ZNF385B: variants seen among roughly 807,000 people sequenced by gnomAD.
ZNF385B encodes the protein zinc finger protein 533.
ZNF385B carries 23 observed loss-of-function variants against 39.2 expected under a neutral mutation model. The ratio of observed to expected loss-of-function variants is 0.59; its 90% confidence interval spans 0.42 to 0.83. The LOEUF is 0.83. Among genes scored for constraint, ZNF385B ranks in the 40% least tolerant of loss-of-function variants. The probability of loss-of-function intolerance (pLI) is 0.00; values close to 1 mark genes in which losing one functional copy is unlikely to be tolerated. For synonymous variants in ZNF385B, 205 were observed against 222.6 expected, an observed-to-expected ratio of 0.92 and a Z score of 0.70; for missense variants, 552 against 598.9, an observed-to-expected ratio of 0.92 and a Z score of 0.82.
chr2:179,568,881 T>C (rs562485810), intron 3 of ZNF385B, among the ~76,000 whole-genome samples: 78 of 152,328 alleles, frequency 5.1e-4, no homozygotes, highest in African/African-American at 1.9e-3. Flanking sequence ...GAATAAACTC[T>C]ATTTAAACAC....
At chr2:179,697,219 T>C (rs888529149) in intron 3 of ZNF385B, among the ~76,000 whole-genome samples, 2 of 152,220 alleles carry the variant, frequency 1.3e-5, no homozygotes, top group Admixed American at 1.3e-4. Flanking sequence ...TCCATCTGAC[T>C]ATGACTGTTT....
At chr2:179,513,952 A>G (rs2105786470) in intron 5 of ZNF385B, 1 of 152,332 alleles carries the variant, frequency 6.6e-6, no homozygotes, top group Non-Finnish European at 1.5e-5. Context: ...AAAGATGAGA[A>G]CCAATTTAAG....
chr2:179,489,193 A>G (rs1427377368), intron 5 of ZNF385B, among the ~76,000 whole-genome samples: 2 of 152,174 alleles, frequency 1.3e-5, no homozygotes. Context: ...AGGGAACAAC[A>G]TGTGCTAGGG....
intron 3 of ZNF385B, among the ~76,000 whole-genome samples, chr2:179,632,297 G>A (rs941874336): frequency 6.6e-6 from 1 of 152,082 alleles, no homozygotes; most frequent in African/African-American, 2.4e-5. Flanking sequence ...CCACATAATC[G>A]GAAGTAAAGC....
At chr2:179,542,643 G>GAATA (rs2105900661) in intron 4 of ZNF385B, among the ~76,000 whole-genome samples, 1 of 152,154 alleles carries the variant, frequency 6.6e-6, no homozygotes, top group African/African-American at 2.4e-5. Flanking sequence ...CCTTTATGAA[G>GAATA]GTATTCTCTC....
At chr2:179,631,795 T>C (rs1013444495) in intron 3 of ZNF385B, among the ~76,000 whole-genome samples, 16 of 152,002 alleles carry the variant, frequency 1.1e-4, no homozygotes, top group African/African-American at 3.1e-4. Context: ...CAAACTCACA[T>C]GTAGGCTCAA....
intron 3 of ZNF385B, among the ~76,000 whole-genome samples, chr2:179,769,089 G>A (rs1292753046): frequency 6.6e-6 from 1 of 152,188 alleles, no homozygotes; most frequent in Non-Finnish European, 1.5e-5. Flanking sequence ...AAATAAAGCT[G>A]TAGCTTTTTA....
chr2:179,658,588 G>C (rs773061880), intron 3 of ZNF385B, among the ~76,000 whole-genome samples: 3 of 152,122 alleles, frequency 2.0e-5, no homozygotes, highest in Non-Finnish European at 2.9e-5. Context: ...TTACCAAGTA[G>C]AATAGTGGGC....
At chr2:179,506,066 G>A (rs191082807) in intron 5 of ZNF385B, among the ~76,000 whole-genome samples, 4 of 152,070 alleles carry the variant, frequency 2.6e-5, no homozygotes, top group East Asian at 3.9e-4. Context: ...GTTACATGAC[G>A]GAACTTCCAA....
chr2:179,687,415 A>G (rs13424460), intron 3 of ZNF385B, among the ~76,000 whole-genome samples: 5,773 of 152,026 alleles, frequency 0.038, 359 homozygotes, highest in African/African-American at 0.13. Context: ...TAAACTCCAA[A>G]TTTCTCTATT....
At chr2:179,602,669 C>A (rs534149027) in intron 3 of ZNF385B, among the ~76,000 whole-genome samples, 1 of 152,248 alleles carries the variant, frequency 6.6e-6, no homozygotes, top group East Asian at 1.9e-4. Context: ...GTAAATACCA[C>A]GTAAGTTTTC....
intron 3 of ZNF385B, among the ~76,000 whole-genome samples, chr2:179,632,847 A>C (rs1200049240): frequency 6.6e-5 from 10 of 152,140 alleles, no homozygotes; most frequent in African/African-American, 2.4e-4. Flanking sequence ...TCAAATAGAC[A>C]CAATAAAAAA....
chr2:179,497,312 GC>G (rs2105705278), intron 5 of ZNF385B, among the ~76,000 whole-genome samples: 1 of 152,152 alleles, frequency 6.6e-6, no homozygotes, highest in African/African-American at 2.4e-5. Context: ...GAAAGACTAA[GC>G]AATGAATCAA....
intron 6 of ZNF385B, among the ~76,000 whole-genome samples, chr2:179,466,943 A>AAAAAAAAGAGAGAGAG (rs1559276782): frequency 6.9e-6 from 1 of 145,920 alleles, no homozygotes; most frequent in African/African-American, 2.5e-5. Context: ...AAAAAAAAAA[A>AAAAAAAAGAGAGAGAG]AGAGAGAGAG....
At chr2:179,826,379 G>A (rs185945925) in intron 1 of ZNF385B, among the ~76,000 whole-genome samples, 1 of 152,110 alleles carries the variant, frequency 6.6e-6, no homozygotes, top group African/African-American at 2.4e-5. Context: ...CAGGGATAGA[G>A]GTAGAAGGCT....
chr2:179,526,421 C>A (rs1488919179), intron 4 of ZNF385B, among the ~76,000 whole-genome samples: 1 of 151,340 alleles, frequency 6.6e-6, no homozygotes, highest in Non-Finnish European at 1.5e-5. Flanking sequence ...GAAACCCTGT[C>A]TCTACTAAAA....
intron 6 of ZNF385B, among the ~76,000 whole-genome samples, chr2:179,452,702 A>G (rs1041143181): frequency 5.3e-5 from 8 of 152,142 alleles, no homozygotes; most frequent in Non-Finnish European, 2.9e-5. Context: ...CAATAAATTC[A>G]TGCTCACTGC....
chr2:179,841,196 C>CA (rs1420804533), intron 1 of ZNF385B, among the ~76,000 whole-genome samples: 1 of 152,086 alleles, frequency 6.6e-6, no homozygotes, highest in Admixed American at 6.5e-5. Context: ...GTTAAGGGAA[C>CA]AATAATTCAT....
chr2:179,452,804 T>C (rs1321356857), intron 6 of ZNF385B, among the ~76,000 whole-genome samples: 2 of 152,148 alleles, frequency 1.3e-5, no homozygotes, highest in Non-Finnish European at 2.9e-5. Context: ...GTAAACTTTT[T>C]CTGTACAGCC....
Sources: allele counts gnomAD v4.1 joint callset (sites outside exome capture counted in the v4.1 genomes callset), GRCh38; gene constraint gnomAD v4.1.1; transcripts MANE v1.5; gene names NCBI Gene and HGNC (gene_info 2026-07-23, HGNC 2026-07-21).